Variants in PRKG1 observed in about 807,000 individuals in gnomAD.
PRKG1 encodes the protein protein kinase cGMP-dependent 1, also known as cGMP-dependent protein kinase 1.
PRKG1 carries 35 observed loss-of-function variants against 88.1 expected under a neutral mutation model. The observed-to-expected ratio is 0.40, with a 90% CI of 0.30 to 0.53. The LOEUF (loss-of-function observed/expected upper bound fraction) is 0.53. Ranked by LOEUF, PRKG1 falls within the 20% of genes least tolerant of loss-of-function variation. The probability of loss-of-function intolerance (pLI) is 0.59; values close to 1 mark genes in which losing one functional copy is unlikely to be tolerated. For synonymous variants in PRKG1, 303 were observed against 292.5 expected (o/e 1.04, Z -0.37); for missense variants, 540 against 839.8 (o/e 0.64, Z 4.41).
intron 1 of PRKG1, among the ~76,000 whole-genome samples, chr10:51,036,854 T>G (rs1843359724): frequency 2.6e-5 from 4 of 152,178 alleles, no homozygotes; most frequent in Admixed American, 2.6e-4. Context: ...CAGGGATGTT[T>G]CTAAATTATT....
At chr10:51,527,852 C>T (rs1841921141) in intron 3 of PRKG1, among the ~76,000 whole-genome samples, 1 of 152,036 alleles carries the variant, frequency 6.6e-6, no homozygotes, top group Non-Finnish European at 1.5e-5. Context: ...CAAATATCTC[C>T]CTAGTTAAGT....
intron 1 of PRKG1, among the ~76,000 whole-genome samples, chr10:50,995,183 A>C (rs1352252528): frequency 1.3e-5 from 2 of 152,240 alleles, no homozygotes; most frequent in Non-Finnish European, 2.9e-5. Flanking sequence ...AGGTGACAAA[A>C]ATATCTTAAG....
At chr10:51,140,643 T>C (rs763037625) in intron 1 of PRKG1, among the ~76,000 whole-genome samples, 3 of 152,204 alleles carry the variant, frequency 2.0e-5, no homozygotes, top group Non-Finnish European at 4.4e-5. Context: ...CTGTCTTCTG[T>C]GTAGCTCTCC....
intron 9 of PRKG1, among the ~76,000 whole-genome samples, chr10:52,224,407 T>C (rs1211096534): frequency 1.3e-5 from 2 of 151,852 alleles, no homozygotes; most frequent in Non-Finnish European, 1.5e-5. Flanking sequence ...TGGTTTTTGT[T>C]CCCACACTCC....
At chr10:51,606,127 G>A (rs1319098970) in intron 3 of PRKG1, among the ~76,000 whole-genome samples, 1 of 152,072 alleles carries the variant, frequency 6.6e-6, no homozygotes, top group Admixed American at 6.6e-5. Context: ...TAGCTCAATA[G>A]TAAATTTTCA....
intron 3 of PRKG1, among the ~76,000 whole-genome samples, chr10:51,689,418 G>A (rs1841080938): frequency 6.6e-6 from 1 of 152,056 alleles, no homozygotes; most frequent in African/African-American, 2.4e-5. Context: ...GCATAGATTT[G>A]TTTGGGAACA....
chr10:51,391,185 C>T (rs1438103893), intron 2 of PRKG1, among the ~76,000 whole-genome samples: 1 of 152,168 alleles, frequency 6.6e-6, no homozygotes, highest in Admixed American at 6.5e-5. Flanking sequence ...CTTTTTTCTG[C>T]TTCCAGAACA....
chr10:51,528,190 G>A (rs1841929525), intron 3 of PRKG1, among the ~76,000 whole-genome samples: 1 of 152,194 alleles, frequency 6.6e-6, no homozygotes, highest in Non-Finnish European at 1.5e-5. Flanking sequence ...ACAACAGTGA[G>A]CTAGAGCCAC....
intron 3 of PRKG1, among the ~76,000 whole-genome samples, chr10:51,552,909 T>C (rs1239859048): frequency 6.6e-6 from 1 of 151,542 alleles, no homozygotes; most frequent in African/African-American, 2.4e-5. Context: ...ACAGTTTAAC[T>C]CCATCTAATT....
chr10:51,198,259 C>T (rs140129389), intron 2 of PRKG1, among the ~76,000 whole-genome samples: 64 of 151,994 alleles, frequency 4.2e-4, no homozygotes, highest in Non-Finnish European at 7.4e-4. Flanking sequence ...TCCTTTTTTC[C>T]GCATGATAAT....
intron 5 of PRKG1, among the ~76,000 whole-genome samples, chr10:51,994,198 G>A (rs951765774): frequency 2.0e-5 from 3 of 151,996 alleles, no homozygotes; most frequent in Non-Finnish European, 4.4e-5. Flanking sequence ...TCATCTTAGG[G>A]GTATATATTT....
At chr10:51,703,818 A>G (rs1841533191) in intron 3 of PRKG1, among the ~76,000 whole-genome samples, 2 of 152,240 alleles carry the variant, frequency 1.3e-5, no homozygotes, top group East Asian at 1.9e-4. Flanking sequence ...TGCAAGCTCA[A>G]TTTTGAGAAC....
chr10:51,550,684 G>A (rs1291797975), intron 3 of PRKG1, among the ~76,000 whole-genome samples: 2 of 151,818 alleles, frequency 1.3e-5, no homozygotes, highest in African/African-American at 4.8e-5. Context: ...TAGGTTCCAT[G>A]GCTTATACGA....
intron 1 of PRKG1, among the ~76,000 whole-genome samples, chr10:51,146,672 C>T (rs371057917): frequency 2.0e-5 from 3 of 151,952 alleles, no homozygotes; most frequent in African/African-American, 7.3e-5. Context: ...GAAGCAATTC[C>T]CCTCCTTTTT....
chr10:52,155,747 A>G (rs1326476412), intron 8 of PRKG1, among the ~76,000 whole-genome samples: 2 of 151,802 alleles, frequency 1.3e-5, no homozygotes, highest in African/African-American at 4.8e-5. Flanking sequence ...ACACACACAC[A>G]CACACACACG....
At chr10:51,073,387 T>A (rs949034343), upstream of PRKG1, among the ~76,000 whole-genome samples, 3 of 152,138 alleles carry the variant, frequency 2.0e-5, no homozygotes, top group Admixed American at 2.0e-4. Flanking sequence ...AAAGATACAT[T>A]CCTAACAGCT....
chr10:51,238,412 C>G (rs1053537260), intron 2 of PRKG1, among the ~76,000 whole-genome samples: 2 of 152,052 alleles, frequency 1.3e-5, no homozygotes, highest in African/African-American at 4.8e-5. Flanking sequence ...AAAACTCCGC[C>G]TCTACTAAAA....
intron 2 of PRKG1, among the ~76,000 whole-genome samples, chr10:51,305,021 G>A (rs1454499815): frequency 1.3e-5 from 2 of 152,050 alleles, no homozygotes; most frequent in African/African-American, 2.4e-5. Context: ...ACTTTGTCAT[G>A]GTGCATTCAG....
At chr10:52,097,879 G>T (rs112936667) in intron 7 of PRKG1, among the ~76,000 whole-genome samples, 1 of 151,706 alleles carries the variant, frequency 6.6e-6, no homozygotes, top group Non-Finnish European at 1.5e-5. Flanking sequence ...GTCATTATAG[G>T]GCATAATGCT....
Sources: gnomAD v4.1 joint callset for allele counts (sites outside exome capture counted in the v4.1 genomes callset) on GRCh38, gnomAD v4.1.1 for gene constraint, MANE v1.5 for transcripts, NCBI Gene and HGNC (gene_info 2026-07-23, HGNC 2026-07-21) for gene names.